The following DNAI2 variants were observed in gnomAD, a reference collection of about 807,000 sequenced individuals.
DNAI2 encodes the protein dynein axonemal intermediate chain 2, also known as dynein, axonemal, intermediate polypeptide 2.
DNAI2 carries 63 observed loss-of-function variants against 74.7 expected under a neutral mutation model. That is an observed-to-expected ratio of 0.84 (90% confidence interval 0.69 to 1.04). The LOEUF (loss-of-function observed/expected upper bound fraction) is 1.04, where lower values mean the gene tolerates loss of function less well. Among genes scored for constraint, DNAI2 ranks in the 50% least tolerant of loss-of-function variants. DNAI2 has a pLI of 0.00. For synonymous variants in DNAI2, 289 were observed against 314.9 expected (o/e 0.92, Z 0.87); for missense variants, 688 against 803.2 (o/e 0.86, Z 1.73).
rs376611195 is a variant in DNAI2, at chr17:74,310,201, G to A, written c.1494+38G>A. On this transcript the variant is annotated intron_variant, in intron 11 of 13. Transcript: ENST00000311014. ...TGCCTGGGGAAAATCCCTCCAGCACGTCCCGACCTGGCCCCACAGCAGAGC... is the reference window on the plus strand; with the variant it reads ...TGCCTGGGGAAAATCCCTCCAGCACATCCCGACCTGGCCCCACAGCAGAGC... The A allele has an allele frequency of 4.0e-5, 65 of 1,606,702 alleles. No individual in the cohort carries two copies. In the African/African-American group the frequency reaches 4.5e-4, roughly 11 times the overall value.
At chr17:74,299,894 G>A (rs1409109454) in intron 7 of DNAI2, 37 bp downstream of exon 7, 2 of 1,612,150 alleles carry the variant, frequency 1.2e-6, no homozygotes, top group African/African-American at 2.7e-5. Flanking sequence ...AGGAGGGAAG[G>A]GAGGGGCAGT....
chr17:74,314,418 C>G (rs2053710439), intron 13 of DNAI2, 147 bp downstream of exon 13: 5 of 1,130,666 alleles, frequency 4.4e-6, no homozygotes, highest in Non-Finnish European at 5.1e-6. Flanking sequence ...CTGAGCCACC[C>G]CTTGGAGAGA....
intron 2 of DNAI2, among the ~76,000 whole-genome samples, chr17:74,282,336 A>T (rs1479378874): frequency 6.6e-6 from 1 of 151,572 alleles, no homozygotes; most frequent in Non-Finnish European, 1.5e-5. Context: ...ACAGGGTCTC[A>T]CTCTATCACC....
At chr17:74,299,024 C>A (rs1169871330) in intron 6 of DNAI2, among the ~76,000 whole-genome samples, 7 of 152,218 alleles carry the variant, frequency 4.6e-5, no homozygotes, top group Admixed American at 3.3e-4. Flanking sequence ...GAGCTAAGTA[C>A]TTTTGTTATT....
At chr17:74,279,996 C>T (rs1283686484) in intron 1 of DNAI2, among the ~76,000 whole-genome samples, 1 of 152,220 alleles carries the variant, frequency 6.6e-6, no homozygotes, top group Non-Finnish European at 1.5e-5. Flanking sequence ...CCCCTGGAAA[C>T]TTGCTATCAA....
chr17:74,288,455 A>T (rs975601758), intron 4 of DNAI2, among the ~76,000 whole-genome samples: 6 of 152,212 alleles, frequency 3.9e-5, no homozygotes, highest in Admixed American at 3.9e-4. Context: ...GCATATGTGT[A>T]TGTGTGTATA....
At chr17:74,275,766 A>G (rs1186073117) in intron 1 of DNAI2, among the ~76,000 whole-genome samples, 2 of 151,762 alleles carry the variant, frequency 1.3e-5, no homozygotes, top group African/African-American at 2.4e-5. Flanking sequence ...GGCATGCACC[A>G]GTAGTCTCAG....
intron 1 of DNAI2, among the ~76,000 whole-genome samples, chr17:74,275,019 TTTGC>T (rs1428557802): frequency 6.6e-6 from 1 of 152,200 alleles, no homozygotes; most frequent in East Asian, 1.9e-4. Flanking sequence ...TTTCAAATCC[TTTGC>T]TTGTTTGTCA....
intron 9 of DNAI2, among the ~76,000 whole-genome samples, chr17:74,306,482 C>A (rs370664318): frequency 6.6e-6 from 1 of 152,150 alleles, no homozygotes; most frequent in Admixed American, 6.6e-5. Flanking sequence ...AAAAAAACAT[C>A]CTGGGGTTCC....
intron 12 of DNAI2, 123 bp downstream of exon 12, chr17:74,312,353 T>A: frequency 2.8e-6 from 2 of 722,804 alleles, no homozygotes; most frequent in Non-Finnish European, 4.6e-6. Flanking sequence ...TGCTAGATCT[T>A]AATTTATTCA....
chr17:74,288,571 A>T (rs533278735), intron 4 of DNAI2, among the ~76,000 whole-genome samples: 30 of 152,190 alleles, frequency 2.0e-4, no homozygotes, highest in Non-Finnish European at 3.2e-4. Flanking sequence ...GTTTGAAGCC[A>T]CGCAGTTTGT....
chr17:74,277,396 A>G (rs1281090400), intron 1 of DNAI2, among the ~76,000 whole-genome samples: 2 of 151,974 alleles, frequency 1.3e-5, no homozygotes, highest in South Asian at 4.2e-4. Flanking sequence ...AAAAAAAAAA[A>G]AAAAAGAAAA....
intron 12 of DNAI2, 26 bp downstream of exon 12, chr17:74,312,256 G>T: frequency 5.4e-6 from 3 of 556,874 alleles, no homozygotes; most frequent in South Asian, 1.5e-5. Flanking sequence ...GGGGTTGGGT[G>T]GGTTGGGGAC....
chr17:74,289,571 G>A (rs1168474845), intron 4 of DNAI2, 23 bp from the exon 5 acceptor site: 1 of 1,612,220 alleles, frequency 6.2e-7, no homozygotes, highest in Non-Finnish European at 8.5e-7. Flanking sequence ...CCAGCCTTCT[G>A]CTCTCTTCCC....
chr17:74,283,725 GA>G (rs2051519184), intron 2 of DNAI2, among the ~76,000 whole-genome samples: 1 of 151,728 alleles, frequency 6.6e-6, no homozygotes, highest in Non-Finnish European at 1.5e-5. Flanking sequence ...GCAACATGGC[GA>G]AACACCGTCT....
chr17:74,288,746 A>C (rs7221177), intron 4 of DNAI2, among the ~76,000 whole-genome samples: 5 of 151,940 alleles, frequency 3.3e-5, no homozygotes, highest in Non-Finnish European at 7.4e-5. Context: ...GGAGTTGCAG[A>C]AAGTGGGTGG....
intron 10 of DNAI2, chr17:74,309,653 C>A (rs1032186470): frequency 1.5e-6 from 1 of 689,022 alleles, no homozygotes; most frequent in African/African-American, 1.8e-5. Context: ...AAGCAGGTAC[C>A]CGGCATCTCC....
rs375817444 is a variant in DNAI2, at chr17:74,284,633, C to T, written c.184-407C>T. Among the ~76,000 whole-genome samples, 34 of 152,212 alleles carry T rather than the reference C, an allele frequency of 2.2e-4. No individual in the cohort carries two copies. In the East Asian group the frequency reaches 6.0e-3, roughly 27 times the overall value. ...TTCACCGTGTTAGCGAGGACGGTCTCGATCTCCTGACCTCGTGATCTGCTC... is the reference window on the plus strand; with the variant it reads ...TTCACCGTGTTAGCGAGGACGGTCTTGATCTCCTGACCTCGTGATCTGCTC... On this transcript the variant is annotated intron_variant, in intron 2 of 13. Transcript: ENST00000311014.
chr17:74,282,205 C>T (rs1169897707), intron 2 of DNAI2, among the ~76,000 whole-genome samples: 1 of 152,200 alleles, frequency 6.6e-6, no homozygotes, highest in African/African-American at 2.4e-5. Flanking sequence ...ACCCGCCTTC[C>T]TCGAGCCAGG....
Sources: gnomAD v4.1 joint callset for allele counts (sites outside exome capture counted in the v4.1 genomes callset) on GRCh38, gnomAD v4.1.1 for gene constraint, MANE v1.5 for transcripts, NCBI Gene and HGNC (gene_info 2026-07-23, HGNC 2026-07-21) for gene names.